The following HEATR5A variants were observed in gnomAD, a reference collection of about 807,000 sequenced individuals.
HEATR5A encodes the protein HEAT repeat-containing protein 5A.
Under a neutral mutation model 218.8 loss-of-function variants are expected in HEATR5A, and 178 were observed. The ratio of observed to expected loss-of-function variants is 0.81; its 90% confidence interval spans 0.72 to 0.92. The LOEUF (loss-of-function observed/expected upper bound fraction) is 0.92, where lower values mean the gene tolerates loss of function less well. HEATR5A is among the 40% of genes least tolerant of loss of function. The pLI, the probability that HEATR5A is intolerant of heterozygous loss-of-function variation, is 0.00. For missense variants in HEATR5A, 2,420 were observed against 2,418.9 expected, an observed-to-expected ratio of 1.00 and a Z score of -0.01; for synonymous variants, 864 against 871.6, an observed-to-expected ratio of 0.99 and a Z score of 0.15.
intron 28 of HEATR5A, among the ~76,000 whole-genome samples, chr14:31,312,709 G>C (rs532583608): frequency 6.6e-6 from 1 of 152,004 alleles, no homozygotes; most frequent in Non-Finnish European, 1.5e-5. Context: ...GAACAGCCTG[G>C]CAACAAGGCA....
chr14:31,346,611 A>C (rs1901030861), intron 19 of HEATR5A, among the ~76,000 whole-genome samples: 1 of 152,252 alleles, frequency 6.6e-6, no homozygotes, highest in Non-Finnish European at 1.5e-5. Flanking sequence ...AGGTAGTAAC[A>C]GAAAACATCT....
At chr14:31,358,139 C>T (rs1284523196) in intron 16 of HEATR5A, among the ~76,000 whole-genome samples, 1 of 152,178 alleles carries the variant, frequency 6.6e-6, no homozygotes, top group Admixed American at 6.5e-5. Context: ...TATCCCTACG[C>T]CATGGACGAA....
chr14:31,351,508 G>GAA (rs71430949), intron 16 of HEATR5A, among the ~76,000 whole-genome samples: 90 of 129,328 alleles, frequency 7.0e-4, no homozygotes, highest in African/African-American at 2.5e-3. Flanking sequence ...AAGAAAGAAA[G>GAA]AAAAAAAAAA....
At chr14:31,332,440 T>C (rs1225135707) in intron 22 of HEATR5A, among the ~76,000 whole-genome samples, 1 of 152,210 alleles carries the variant, frequency 6.6e-6, no homozygotes, top group Non-Finnish European at 1.5e-5. Context: ...CGCAATGGCC[T>C]TGCAGTGTTC....
In HEATR5A at chr14:31,295,974, TG is replaced by T. The variant is rs755117973; in HGVS notation, c.5553del (p.Ile1852SerfsTer18). ...FILSTSPEVT[T>X]IPCLQKRCID... ...ATACAGCGCTTCTGAAGGCATGGGA[TG>T]GTAGTTACTTCTGGACTGGTAGACA... is the stretch of plus-strand genomic sequence containing the variant. On this transcript the variant is annotated frameshift_variant, in exon 34 of 36. Coordinates refer to ENST00000543095, the MANE Select transcript of HEATR5A (RefSeq NM_015473.4). LOFTEE classifies it high-confidence loss of function. 8.1e-6 allele frequency: 13 copies of T among 1,613,358 alleles called. No individual in the cohort carries two copies. The East Asian group carries it at 2.9e-4, about 36-fold the overall frequency.
chr14:31,414,833 T>G (rs977794400), intron 1 of HEATR5A, among the ~76,000 whole-genome samples: 1 of 152,100 alleles, frequency 6.6e-6, no homozygotes, highest in Non-Finnish European at 1.5e-5. Context: ...CTACATTTAT[T>G]TATTTATTTG....
rs757672703 is a variant in HEATR5A, at chr14:31,364,209, A to G, written c.2051T>C (p.Leu684Ser). Residue 684 changes from leucine (L) to serine (S), a missense_variant, in exon 14 of 36, where the codon TTA (leucine) becomes TCA (serine). Leu to Ser is a moderately radical substitution (Grantham distance 145, BLOSUM62 -2). Transcript: ENST00000543095. Reference protein sequence around the residue: ...RQRLYELLILLPPETYEGNLC... With the variant: ...RQRLYELLILSPPETYEGNLC... ...CATACCTTCATAGGTCTCAGGAGGTAATAAAATCAACAGTTCATAAAGTCT... is the reference window on the plus strand; with the variant it reads ...CATACCTTCATAGGTCTCAGGAGGTGATAAAATCAACAGTTCATAAAGTCT... 5.3e-5 allele frequency: 81 copies of G among 1,530,164 alleles called. No individual in the cohort carries two copies. Among genetic ancestry groups the G allele is most frequent in the Non-Finnish European group, 6.4e-5 (72 of 1,127,686 alleles). 94.8% of individuals were successfully genotyped at this position (1,530,164 alleles called of 1,614,324 possible).
intron 2 of HEATR5A, among the ~76,000 whole-genome samples, chr14:31,401,380 C>T (rs2030874894): frequency 6.6e-6 from 1 of 152,174 alleles, no homozygotes; most frequent in Non-Finnish European, 1.5e-5. Flanking sequence ...TCCTCACTTT[C>T]CCTTCGCCTT....
chr14:31,334,869 C>T (rs1211907613), intron 22 of HEATR5A, among the ~76,000 whole-genome samples: 1 of 150,708 alleles, frequency 6.6e-6, no homozygotes, highest in East Asian at 2.0e-4. Flanking sequence ...TGGCGGAAAC[C>T]CGGGAGGCGG....
chr14:31,354,001 G>A (rs1185754447), intron 16 of HEATR5A, among the ~76,000 whole-genome samples: 8 of 151,732 alleles, frequency 5.3e-5, no homozygotes, highest in South Asian at 2.1e-4. Flanking sequence ...GGGTTTCACC[G>A]TGTTAACCAG....
intron 32 of HEATR5A, 136 bp from the exon 33 acceptor site, chr14:31,302,655 TTAAGA>T (rs1431912541): frequency 7.9e-6 from 5 of 632,324 alleles, no homozygotes; most frequent in East Asian, 2.8e-5. Context: ...ATTATAACTG[TTAAGA>T]TAATGTAAGT....
intron 22 of HEATR5A, among the ~76,000 whole-genome samples, chr14:31,332,452 T>C (rs1900505241): frequency 6.6e-6 from 1 of 152,204 alleles, no homozygotes; most frequent in Non-Finnish European, 1.5e-5. Flanking sequence ...GCAGTGTTCA[T>C]GTGAAAGGAA....
chr14:31,321,401 C>G (rs1022230222), intron 25 of HEATR5A, 98 bp downstream of exon 25: 1 of 950,794 alleles, frequency 1.1e-6, no homozygotes, highest in Non-Finnish European at 1.5e-6. Context: ...CTTGGCCTCC[C>G]GAAGTGCTGG....
In HEATR5A at chr14:31,411,506, T is replaced by C. The variant is rs141882525; in HGVS notation, c.-74-8457A>G. Among the ~76,000 whole-genome samples, 272 of 152,282 alleles carry C rather than the reference T, an allele frequency of 1.8e-3. 1 individual carries two copies. The highest frequency in any genetic ancestry group is 6.8e-3 in the Middle Eastern group (2 of 294). ...TAAAGCAGTGTTTACCAAGAGTACT[T>C]TGTGGAATGCTGCCAGAAGAATGAA... is the stretch of plus-strand genomic sequence containing the variant. On this transcript the variant is annotated intron_variant, in intron 1 of 35. Coordinates refer to ENST00000543095, the MANE Select transcript of HEATR5A (RefSeq NM_015473.4).
intron 18 of HEATR5A, among the ~76,000 whole-genome samples, chr14:31,348,566 G>C (rs921510230): frequency 6.6e-6 from 1 of 152,224 alleles, no homozygotes; most frequent in African/African-American, 2.4e-5. Flanking sequence ...CTGGGTGACA[G>C]AGCAAGACGT....
At chr14:31,347,252 C>T (rs944104869) in intron 19 of HEATR5A, among the ~76,000 whole-genome samples, 1 of 152,156 alleles carries the variant, frequency 6.6e-6, no homozygotes. Flanking sequence ...GGCTCTGTTG[C>T]CTAGGCTGGA....
chr14:31,326,399 G>C (rs952814542), intron 22 of HEATR5A, 57 bp from the exon 23 acceptor site: 2 of 1,228,990 alleles, frequency 1.6e-6, no homozygotes, highest in Non-Finnish European at 2.3e-6. Flanking sequence ...TACCATATCA[G>C]AAGCTCACAC....
At chr14:31,316,325 TAA>T (rs147402598) in intron 26 of HEATR5A, among the ~76,000 whole-genome samples, 4 of 148,902 alleles carry the variant, frequency 2.7e-5, no homozygotes, top group Non-Finnish European at 3.0e-5. Flanking sequence ...GCCCATCTCT[TAA>T]AAAAAAAAAT....
intron 13 of HEATR5A, among the ~76,000 whole-genome samples, chr14:31,367,102 TA>T (rs1214345545): frequency 6.6e-6 from 1 of 152,180 alleles, no homozygotes; most frequent in African/African-American, 2.4e-5. Flanking sequence ...AAATGTTTCA[TA>T]GGACAAAATT....
Sources: allele counts gnomAD v4.1 joint callset (sites outside exome capture counted in the v4.1 genomes callset), GRCh38; gene constraint gnomAD v4.1.1; transcripts MANE v1.5; gene names NCBI Gene and HGNC (gene_info 2026-07-23, HGNC 2026-07-21).